The following RNF4 variants were observed in gnomAD, a reference collection of about 807,000 sequenced individuals.
The protein encoded by RNF4 is ring finger protein 4, also known as E3 ubiquitin-protein ligase RNF4.
A neutral mutation model predicts 24.3 loss-of-function variants in RNF4; 7 were observed. The observed-to-expected ratio is 0.29, with a 90% CI of 0.16 to 0.54. The LOEUF is 0.54. Among genes scored for constraint, RNF4 ranks in the 20% least tolerant of loss-of-function variants. The probability of loss-of-function intolerance (pLI) is 0.95; values close to 1 mark genes in which losing one functional copy is unlikely to be tolerated. For synonymous variants in RNF4, 83 were observed against 84.3 expected, an observed-to-expected ratio of 0.98 and a Z score of 0.09; for missense variants, 209 against 248.5, an observed-to-expected ratio of 0.84 and a Z score of 1.07.
intron 4 of RNF4, among the ~76,000 whole-genome samples, chr4:2,502,277 C>T (rs1735933642): frequency 6.6e-6 from 1 of 152,176 alleles, no homozygotes; most frequent in African/African-American, 2.4e-5. Flanking sequence ...CTCTGCCAGA[C>T]CCTGAGGAGA....
intron 4 of RNF4, among the ~76,000 whole-genome samples, chr4:2,506,488 G>T (rs1736104584): frequency 6.6e-6 from 1 of 151,832 alleles, no homozygotes. Context: ...GGCCTCCTTG[G>T]TTGCTTTTTA....
intron 4 of RNF4, among the ~76,000 whole-genome samples, chr4:2,509,317 A>T (rs539567785): frequency 6.6e-6 from 1 of 151,748 alleles, no homozygotes; most frequent in Non-Finnish European, 1.5e-5. Flanking sequence ...TCCTGGGTTC[A>T]AGTGATTCTC....
intron 4 of RNF4, chr4:2,506,035 A>G (rs1736090698): frequency 6.6e-6 from 1 of 152,178 alleles, no homozygotes; most frequent in Non-Finnish European, 1.5e-5. Context: ...TGCCCTGAAC[A>G]TCTTGAACAG....
chr4:2,490,355 A>G lies in RNF4; in HGVS notation c.-139A>G, dbSNP rs1336590305. 5.5e-6 allele frequency: 4 copies of G among 721,098 alleles called. No homozygotes were observed. Among genetic ancestry groups the G allele is most frequent in the Non-Finnish European group, 9.2e-6 (4 of 436,418 alleles). The allele number at this position is 721,098 out of a possible 1,614,324, so 44.7% of individuals were successfully genotyped here. ...TTTTCAGGACTTGAAAATACTGGAA[A>G]TCTGTCCGGATCCAAATTATTTTGC... On this transcript the variant is annotated 5_prime_UTR_variant, in exon 2 of 8. Coordinates refer to ENST00000314289, the MANE Select transcript of RNF4 (RefSeq NM_002938.5).
At chr4:2,505,002 G>A (rs2108773915) in intron 4 of RNF4, 1 of 152,188 alleles carries the variant, frequency 6.6e-6, no homozygotes, top group East Asian at 1.9e-4. Context: ...CCAAAGTGCT[G>A]GGATTATAAG....
At chr4:2,473,861 C>G (rs1259949466) in intron 1 of RNF4, among the ~76,000 whole-genome samples, 1 of 151,912 alleles carries the variant, frequency 6.6e-6, no homozygotes, top group Non-Finnish European at 1.5e-5. Context: ...CACCTGAGGT[C>G]AGGAGTTGGA....
intron 1 of RNF4, among the ~76,000 whole-genome samples, chr4:2,486,409 C>T (rs770451663): frequency 2.0e-5 from 3 of 152,124 alleles, no homozygotes; most frequent in Non-Finnish European, 4.4e-5. Flanking sequence ...TGGAAATGCT[C>T]CTGTCTCACC....
chr4:2,509,240 A>G (rs1021260239), intron 4 of RNF4, among the ~76,000 whole-genome samples: 1 of 150,908 alleles, frequency 6.6e-6, no homozygotes, highest in Admixed American at 6.6e-5. Flanking sequence ...TCTTTTTGAG[A>G]CAGTTTCGCT....
intron 4 of RNF4, 78 bp from the exon 5 acceptor site, chr4:2,511,878 A>G: frequency 1.4e-6 from 2 of 1,478,184 alleles, no homozygotes; most frequent in Non-Finnish European, 1.9e-6. Context: ...CACGTCAGAA[A>G]AAAGAAATGG....
At chr4:2,500,566 G>A (rs1041999043) in intron 3 of RNF4, 93 bp from the exon 4 acceptor site, 73 of 1,147,798 alleles carry the variant, frequency 6.4e-5, no homozygotes, top group Non-Finnish European at 7.4e-5. Context: ...TTTGGGGTAA[G>A]CCTATAACAT....
rs1460872362 is a variant in RNF4, at chr4:2,500,719, C to T, written c.185C>T (p.Thr62Ile). 1 of 1,613,748 alleles carries T rather than the reference C, an allele frequency of 6.2e-7. No individual in the cohort carries two copies. Among genetic ancestry groups the T allele is most frequent in the African/African-American group, 1.3e-5 (1 of 74,920 alleles). ...TTAGAGCCTGTGGTGGTTGATCTGA[C>T]TCACAATGACTCTGTTGTGGTAAGT... ...ESLEPVVVDL[T>I]HNDSVVIVDE... The change falls in exon 4 of 8, where the codon ACT (threonine) becomes ATT (isoleucine). Residue 62 changes from threonine to isoleucine, a missense_variant. Physicochemically the swap from Thr to Ile is moderately conservative, Grantham distance 89. Coordinates refer to ENST00000314289, the MANE Select transcript of RNF4 (RefSeq NM_002938.5).
At position 2,512,346 on chromosome 4, in the gene RNF4, A is replaced by C; in HGVS notation, c.215-92A>C. On this transcript the variant is annotated intron_variant, in intron 5 of 7. Coordinates refer to ENST00000314289, the MANE Select transcript of RNF4 (RefSeq NM_002938.5). The surrounding 1 kb of genome is among the most constrained non-coding windows in gnomAD (Gnocchi z 4.1). The stretch of plus-strand genomic sequence containing the variant: ...TGTCTCTGGGGGTCCCAGGCAGGGA[A>C]GGAAGAGGGTCTTAAGAGGCGTCAG... The C allele has an allele frequency of 7.0e-7, 1 of 1,433,518 alleles. No individual in the cohort carries two copies. The highest frequency in any genetic ancestry group is 9.6e-7 in the Non-Finnish European group (1 of 1,042,246). 88.8% of individuals were successfully genotyped at this position (1,433,518 alleles called of 1,614,324 possible).
chr4:2,472,437 A>C (rs1205166241), intron 1 of RNF4, among the ~76,000 whole-genome samples: 2 of 152,250 alleles, frequency 1.3e-5, no homozygotes, highest in African/African-American at 4.8e-5. Flanking sequence ...AGTAATTTCA[A>C]CTCTCAAATC....
At chr4:2,493,284 G>A (rs1056452508) in intron 2 of RNF4, among the ~76,000 whole-genome samples, 1 of 152,048 alleles carries the variant, frequency 6.6e-6, no homozygotes, top group East Asian at 1.9e-4. Flanking sequence ...AGAAGCTCTG[G>A]TTAAAGGCAT....
At chr4:2,483,851 T>A (rs1261539565) in intron 1 of RNF4, among the ~76,000 whole-genome samples, 2 of 151,908 alleles carry the variant, frequency 1.3e-5, no homozygotes, top group African/African-American at 2.4e-5. Flanking sequence ...TTATTTATTT[T>A]GAGACTGAGT....
intron 1 of RNF4, among the ~76,000 whole-genome samples, chr4:2,476,555 G>T (rs1413188596): frequency 6.6e-6 from 1 of 152,060 alleles, no homozygotes; most frequent in African/African-American, 2.4e-5. Context: ...ACCACGGCTG[G>T]CTAATTTTTT....
At chr4:2,475,731 A>G (rs900883439) in intron 1 of RNF4, among the ~76,000 whole-genome samples, 3 of 152,112 alleles carry the variant, frequency 2.0e-5, no homozygotes, top group Non-Finnish European at 2.9e-5. Context: ...TTTAATATCT[A>G]TGGTTGAGTG....
At chr4:2,490,641 T>A (rs755347749) in intron 2 of RNF4, 139 bp downstream of exon 2, 1 of 825,096 alleles carries the variant, frequency 1.2e-6, no homozygotes, top group Non-Finnish European at 1.9e-6. Context: ...GTATAGGAGC[T>A]TTCTGGTGGT....
chr4:2,482,664 G>A (rs866021513), intron 1 of RNF4, among the ~76,000 whole-genome samples: 1 of 152,200 alleles, frequency 6.6e-6, no homozygotes, highest in African/African-American at 2.4e-5. Flanking sequence ...CTTAATCGGG[G>A]CCATAAGATA....
Sources: gnomAD v4.1 joint callset for allele counts (sites outside exome capture counted in the v4.1 genomes callset) on GRCh38, gnomAD v4.1.1 for gene constraint, Gnocchi (gnomAD v3.1) non-coding constraint, MANE v1.5 for transcripts, NCBI Gene and HGNC (gene_info 2026-07-23, HGNC 2026-07-21) for gene names.